CC2D2B: variants seen among roughly 807,000 people sequenced by gnomAD.
CC2D2B encodes the protein protein CC2D2B.
A neutral mutation model predicts 161.2 loss-of-function variants in CC2D2B; 128 were observed. The observed-to-expected ratio is 0.79, with a 90% CI of 0.69 to 0.92. The LOEUF (loss-of-function observed/expected upper bound fraction) is 0.92. CC2D2B is among the 40% of genes least tolerant of loss of function. The pLI, the probability that CC2D2B is intolerant of heterozygous loss-of-function variation, is 0.00. For synonymous variants in CC2D2B, 391 were observed against 449.8 expected, an observed-to-expected ratio of 0.87 and a Z score of 1.65; for missense variants, 1,173 against 1,375.1, an observed-to-expected ratio of 0.85 and a Z score of 2.32.
chr10:96,018,225 A>T lies in CC2D2B; in HGVS notation c.3631-978A>T, dbSNP rs548494006. Among the ~76,000 whole-genome samples, 9 of 152,324 alleles carry T rather than the reference A, an allele frequency of 5.9e-5. No homozygotes were observed. In the East Asian group the frequency reaches 1.7e-3, roughly 29 times the overall value. On this transcript the variant is annotated intron_variant, in intron 30 of 34. Transcript: ENST00000646931. ...GTCTCATTATTATTATTACCTAAAA[A>T]TTTTTATTCTTTGGTAGGATAGGCT...
chr10:96,020,315 A>G (rs1319226052), intron 32 of CC2D2B: 1 of 153,610 alleles, frequency 6.5e-6, no homozygotes, highest in Non-Finnish European at 1.4e-5. Context: ...AGAGAACCAG[A>G]GCAAGCATCA....
chr10:96,025,622 C>T (rs2079738587), intron 33 of CC2D2B, among the ~76,000 whole-genome samples: 1 of 152,120 alleles, frequency 6.6e-6, no homozygotes, highest in Non-Finnish European at 1.5e-5. Context: ...AAAAATGTCC[C>T]AGTTAGGCAG....
intron 9 of CC2D2B, among the ~76,000 whole-genome samples, chr10:95,946,448 G>T (rs1198072109): frequency 6.6e-6 from 1 of 152,146 alleles, no homozygotes; most frequent in East Asian, 1.9e-4. Context: ...AACAAGACAG[G>T]ATTCTCTAGC....
Position 96,012,083 on chromosome 10 carries a change from C to T in CC2D2B, c.3046-102C>T, listed in dbSNP as rs1020930635. The T allele has an allele frequency of 2.2e-5, 12 of 541,728 alleles. No individual in the cohort carries two copies. In the South Asian group the frequency reaches 3.5e-4, roughly 16 times the overall value. 33.6% of individuals were successfully genotyped at this position (541,728 alleles called of 1,614,324 possible). ...ATGAGTAGAAGCCCGTTCACGCAAG[C>T]AAGCAAGCTTTCTGTGATGGAGTGG... On this transcript the variant is annotated intron_variant, in intron 26 of 34. Transcript: ENST00000646931.
At chr10:95,927,676 G>A (rs764869451) in intron 6 of CC2D2B, among the ~76,000 whole-genome samples, 1 of 151,406 alleles carries the variant, frequency 6.6e-6, no homozygotes, top group African/African-American at 2.4e-5. Flanking sequence ...TCAAAAGCCT[G>A]TGTTTTCTTT....
intron 34 of CC2D2B, among the ~76,000 whole-genome samples, chr10:96,027,939 G>A (rs191518892): frequency 3.9e-5 from 6 of 152,122 alleles, no homozygotes; most frequent in African/African-American, 1.5e-4. Context: ...TTCATATGCA[G>A]AAGAAGGAAA....
intron 33 of CC2D2B, among the ~76,000 whole-genome samples, chr10:96,025,166 T>TATATATAAAAAAAAA (rs1564683706): frequency 2.0e-4 from 2 of 9,968 alleles, no homozygotes; most frequent in African/African-American, 5.6e-4. Context: ...TATATATATA[T>TATATATAAAAAAAAA]ATATATATAT....
chr10:95,967,717 A>G (rs983542649), intron 14 of CC2D2B, among the ~76,000 whole-genome samples: 6 of 152,204 alleles, frequency 3.9e-5, no homozygotes, highest in African/African-American at 1.4e-4. Flanking sequence ...AGAAAGGGTA[A>G]CTTTTACTTA....
At chr10:96,006,952 G>T (rs767997551) in intron 25 of CC2D2B, among the ~76,000 whole-genome samples, 1 of 152,056 alleles carries the variant, frequency 6.6e-6, no homozygotes, top group Non-Finnish European at 1.5e-5. Flanking sequence ...TATATAATTC[G>T]TATTGTTGAT....
At chr10:96,029,256 A>G (rs1375955785) in intron 34 of CC2D2B, among the ~76,000 whole-genome samples, 2 of 31,516 alleles carry the variant, frequency 6.3e-5, no homozygotes, top group Admixed American at 3.5e-4. Flanking sequence ...ATATATATAT[A>G]TATATATATA....
chr10:96,008,732 A>G (rs1278485446), intron 25 of CC2D2B, among the ~76,000 whole-genome samples: 1 of 152,014 alleles, frequency 6.6e-6, no homozygotes, highest in Non-Finnish European at 1.5e-5. Context: ...TCTTTTGTCT[A>G]TTTTTAAAAT....
chr10:95,992,907 C>A, intron 22 of CC2D2B: 1 of 356,262 alleles, frequency 2.8e-6, no homozygotes, highest in Non-Finnish European at 5.0e-6. Context: ...CCCAGAGTAA[C>A]TTTAACATGT....
intron 17 of CC2D2B, among the ~76,000 whole-genome samples, chr10:95,980,003 C>T (rs2077453476): frequency 6.6e-6 from 1 of 152,190 alleles, no homozygotes; most frequent in African/African-American, 2.4e-5. Flanking sequence ...AAGCTCGCCT[C>T]TTTCTTGGGG....
intron 6 of CC2D2B, among the ~76,000 whole-genome samples, chr10:95,937,007 T>G (rs981451253): frequency 1.3e-5 from 2 of 152,190 alleles, no homozygotes; most frequent in African/African-American, 4.8e-5. Flanking sequence ...TTGGCATACT[T>G]TATTTAAATT....
intron 16 of CC2D2B, 70 bp downstream of exon 16, chr10:95,972,286 C>G (rs1233792276): frequency 2.1e-6 from 2 of 973,174 alleles, no homozygotes; most frequent in Non-Finnish European, 2.7e-6. Flanking sequence ...GTGACCCTGG[C>G]TCACTCACAT....
At chr10:95,947,111 ATATTTTTTTTTTTTT>A (rs1384849415) in intron 9 of CC2D2B, among the ~76,000 whole-genome samples, 592 of 40,720 alleles carry the variant, frequency 0.015, 61 homozygotes, top group African/African-American at 0.071. Flanking sequence ...ATATATATAT[ATATTTTTTTTTTTTT>A]TTTTGAGACA....
chr10:96,012,213 C>T lies in CC2D2B; in HGVS notation c.3074C>T (p.Pro1025Leu). The change falls in exon 27 of 35, where the codon CCA becomes CTA. Residue 1025 changes from proline (P) to leucine (L), a missense_variant. Pro to Leu is a moderately conservative substitution (Grantham distance 98). Coordinates refer to ENST00000646931, the MANE Select transcript of CC2D2B (RefSeq NM_001349008.3). ...AGTGGAACATTTCAAGTAACTATTC[C>T]ACCAGTTTTGCTCGGGTATACTTGG... ...EISGTFQVTI[P>L]PVLLGYTWSN... The T allele has an allele frequency of 1.4e-6, 1 of 694,934 alleles. No individual in the cohort carries two copies. The highest frequency in any genetic ancestry group is 2.7e-6 in the Non-Finnish European group (1 of 377,330). 43.0% of individuals were successfully genotyped at this position (694,934 alleles called of 1,614,324 possible). A position where few individuals can be genotyped will look rare whatever the true frequency, so the allele number is the denominator to read the frequency against.
At chr10:95,941,620 C>A (rs945225488) in intron 9 of CC2D2B, among the ~76,000 whole-genome samples, 1 of 151,936 alleles carries the variant, frequency 6.6e-6, no homozygotes, top group East Asian at 1.9e-4. Flanking sequence ...AAATGCAAAT[C>A]AAAACCATAG....
intron 34 of CC2D2B, among the ~76,000 whole-genome samples, chr10:96,029,806 ATTG>A (rs1399195953): frequency 7.7e-6 from 1 of 129,496 alleles, no homozygotes; most frequent in African/African-American, 2.9e-5. Context: ...ATTATTTTTT[ATTG>A]TTGTTTTGTT....
Sources: gnomAD v4.1 joint callset for allele counts (sites outside exome capture counted in the v4.1 genomes callset) on GRCh38, gnomAD v4.1.1 for gene constraint, MANE v1.5 for transcripts, NCBI Gene and HGNC (gene_info 2026-07-23, HGNC 2026-07-21) for gene names.